CNTLN: variants seen among roughly 807,000 people sequenced by gnomAD.
CNTLN encodes the protein centlein, centrosomal protein.
In CNTLN, 212 loss-of-function variants were observed where a neutral mutation model predicts 180.0. The observed-to-expected ratio is 1.18, with a 90% CI of 1.05 to 1.32. The LOEUF is 1.32. Among genes scored for constraint, CNTLN ranks in the 40% most tolerant of loss-of-function variants. The probability of loss-of-function intolerance (pLI) is 0.00; values close to 1 mark genes in which losing one functional copy is unlikely to be tolerated. For synonymous variants in CNTLN, 722 were observed against 563.1 expected, an observed-to-expected ratio of 1.28 and a Z score of -3.99; for missense variants, 2,095 against 1,610.9, an observed-to-expected ratio of 1.30 and a Z score of -5.14.
chr9:17,230,196 A>T (rs886858393), intron 3 of CNTLN, among the ~76,000 whole-genome samples: 2 of 152,178 alleles, frequency 1.3e-5, no homozygotes, highest in Non-Finnish European at 2.9e-5. Context: ...TGATTGGCTG[A>T]ATGCTTGGCT....
intron 5 of CNTLN, among the ~76,000 whole-genome samples, chr9:17,266,944 G>C (rs1306116495): frequency 6.6e-6 from 1 of 152,050 alleles, no homozygotes; most frequent in Non-Finnish European, 1.5e-5. Flanking sequence ...CTGCACATGA[G>C]ATGGGTTTCC....
chr9:17,225,414 C>A (rs904962138), intron 2 of CNTLN, among the ~76,000 whole-genome samples: 1 of 151,996 alleles, frequency 6.6e-6, no homozygotes, highest in Admixed American at 6.6e-5. Flanking sequence ...TTGTGATTCT[C>A]ACAGATATAG....
At chr9:17,365,061 T>A (rs977538776) in intron 12 of CNTLN, among the ~76,000 whole-genome samples, 2 of 152,224 alleles carry the variant, frequency 1.3e-5, no homozygotes, top group African/African-American at 4.8e-5. Context: ...GGTAGGGCCA[T>A]GGGTCTAAAT....
intron 23 of CNTLN, among the ~76,000 whole-genome samples, chr9:17,480,049 T>G (rs1045797563): frequency 1.3e-5 from 2 of 152,050 alleles, no homozygotes; most frequent in Non-Finnish European, 2.9e-5. Flanking sequence ...AATTGACCGG[T>G]CATGGTGGGC....
At chr9:17,299,526 A>T in intron 7 of CNTLN, 1 of 985,242 alleles carries the variant, frequency 1.0e-6, no homozygotes, top group Non-Finnish European at 1.2e-6. Context: ...TTAAACACAT[A>T]TTTTTAAATG....
At chr9:17,361,442 T>C (rs994509272) in intron 12 of CNTLN, among the ~76,000 whole-genome samples, 6 of 152,202 alleles carry the variant, frequency 3.9e-5, no homozygotes, top group African/African-American at 1.4e-4. Context: ...TGTATCCCAA[T>C]CCTGTGTGAG....
chr9:17,494,336 C>G (rs1445716208), intron 25 of CNTLN, among the ~76,000 whole-genome samples: 1 of 152,038 alleles, frequency 6.6e-6, no homozygotes, highest in Non-Finnish European at 1.5e-5. Context: ...AATGGTGTCC[C>G]CATAAGATGA....
chr9:17,155,489 G>A (rs1330861695), intron 2 of CNTLN, among the ~76,000 whole-genome samples: 1 of 152,188 alleles, frequency 6.6e-6, no homozygotes, highest in Non-Finnish European at 1.5e-5. Flanking sequence ...CTGGCAGTCT[G>A]GCCACAGCAG....
chr9:17,332,254 T>G (rs971932740), intron 9 of CNTLN, among the ~76,000 whole-genome samples: 1 of 152,072 alleles, frequency 6.6e-6, no homozygotes, highest in Non-Finnish European at 1.5e-5. Context: ...TCCTATCAAG[T>G]GTAACCTTGG....
In CNTLN at chr9:17,348,567, G is replaced by A. The variant is rs537608902; in HGVS notation, c.1886+6123G>A. ...TTTTTTTGAGACGGAGTCTTGCTCT[G>A]TCGCCCAGGCTGCAGTGCAGTGGAG... is the stretch of plus-strand genomic sequence containing the variant. On this transcript the variant is annotated intron_variant, in intron 12 of 25. Transcript: ENST00000380647. 6.3e-5 allele frequency among the ~76,000 whole-genome samples: 9 copies of A among 142,496 alleles called. 1 individual carries two copies. The East Asian group carries it at 1.9e-3, about 30-fold the overall frequency. 93.5% of individuals were successfully genotyped at this position (142,496 alleles called of 152,430 possible).
chr9:17,467,677 A>G (rs1467771157), intron 23 of CNTLN, among the ~76,000 whole-genome samples: 1 of 151,640 alleles, frequency 6.6e-6, no homozygotes, highest in Admixed American at 6.6e-5. Flanking sequence ...TAGTAAATGT[A>G]ATTTACCTTT....
chr9:17,273,101 T>G (rs989145561), intron 5 of CNTLN, among the ~76,000 whole-genome samples: 5 of 152,098 alleles, frequency 3.3e-5, no homozygotes, highest in African/African-American at 7.2e-5. Flanking sequence ...AGATATATAT[T>G]TAGTTCTTTG....
intron 19 of CNTLN, among the ~76,000 whole-genome samples, chr9:17,460,991 GA>G (rs1461906227): frequency 6.0e-5 from 9 of 151,102 alleles, no homozygotes; most frequent in African/African-American, 1.9e-4. Flanking sequence ...GATTGACAGA[GA>G]AAAAAAGGCA....
intron 19 of CNTLN, among the ~76,000 whole-genome samples, chr9:17,460,489 C>T (rs1831387731): frequency 6.6e-6 from 1 of 151,606 alleles, no homozygotes. Context: ...GGGTTTCGAT[C>T]ACTTTTTGGC....
At chr9:17,278,506 G>C (rs1164435978) in intron 6 of CNTLN, among the ~76,000 whole-genome samples, 1 of 152,022 alleles carries the variant, frequency 6.6e-6, no homozygotes, top group Non-Finnish European at 1.5e-5. Flanking sequence ...AACAGATTTT[G>C]AACATTTCTC....
At chr9:17,148,858 A>G (rs780403615) in intron 2 of CNTLN, among the ~76,000 whole-genome samples, 2 of 152,112 alleles carry the variant, frequency 1.3e-5, no homozygotes, top group African/African-American at 4.8e-5. Flanking sequence ...TCTGGGTTAC[A>G]TGGGCAGAAC....
At chr9:17,342,197 T>C in intron 11 of CNTLN, 128 bp from the exon 12 acceptor site, 1 of 911,312 alleles carries the variant, frequency 1.1e-6, no homozygotes, top group Non-Finnish European at 1.6e-6. Context: ...GGAAATTCAT[T>C]CAATAAATGG....
intron 6 of CNTLN, among the ~76,000 whole-genome samples, chr9:17,274,776 A>G (rs1385320765): frequency 6.6e-6 from 1 of 152,052 alleles, no homozygotes; most frequent in Non-Finnish European, 1.5e-5. Flanking sequence ...CCTTCATGTT[A>G]GTGGGCATTG....
intron 14 of CNTLN, among the ~76,000 whole-genome samples, chr9:17,392,136 G>C (rs1182960846): frequency 6.6e-6 from 1 of 152,114 alleles, no homozygotes; most frequent in East Asian, 1.9e-4. Context: ...GTGTGATGGT[G>C]CATGCCTCTG....
Sources: allele counts gnomAD v4.1 joint callset (sites outside exome capture counted in the v4.1 genomes callset), GRCh38; gene constraint gnomAD v4.1.1; transcripts MANE v1.5; gene names NCBI Gene and HGNC (gene_info 2026-07-23, HGNC 2026-07-21).